The following F11 variants were observed in gnomAD, a reference collection of about 807,000 sequenced individuals.
F11 encodes the protein coagulation factor XI.
A neutral mutation model predicts 76.5 loss-of-function variants in F11; 78 were observed. The ratio of observed to expected loss-of-function variants is 1.02; its 90% confidence interval spans 0.85 to 1.23. The LOEUF (loss-of-function observed/expected upper bound fraction) is 1.23. Ranked by LOEUF, F11 falls within the 50% of genes most tolerant of loss-of-function variation. The pLI is 0.00. For missense variants in F11, 742 were observed against 771.4 expected (o/e 0.96, Z 0.45); for synonymous variants, 278 against 276.3 (o/e 1.01, Z -0.06).
chr4:186,287,563 G>GA, intron 13 of F11, 121 bp from the exon 14 acceptor site: 1 of 333,934 alleles, frequency 3.0e-6, no homozygotes, highest in Non-Finnish European at 4.9e-6. Context: ...CAGCCTGGGC[G>GA]ACAGAAAGAG....
Position 186,289,570 on chromosome 4 carries a change from C to T in F11, c.*956C>T, listed in dbSNP as rs143818826. On this transcript the variant is annotated 3_prime_UTR_variant, in exon 15 of 15. Coordinates refer to ENST00000403665, the MANE Select transcript of F11 (RefSeq NM_000128.4). Reference sequence around the variant, plus strand: ...TTCTAAGCACTGGGATTTTCTGTTTCGTGCAAATATTTATCTCATTATTGT... The same window carrying T: ...TTCTAAGCACTGGGATTTTCTGTTTTGTGCAAATATTTATCTCATTATTGT... Among the ~76,000 whole-genome samples, 58 of 152,216 alleles carry T rather than the reference C, an allele frequency of 3.8e-4. 1 individual carries two copies. Among genetic ancestry groups the T allele is most frequent in the Middle Eastern group, 3.4e-3 (1 of 294 alleles).
chr4:186,274,060 T>A, intron 4 of F11, 56 bp from the exon 5 acceptor site: 1 of 1,603,782 alleles, frequency 6.2e-7, no homozygotes, highest in Non-Finnish European at 8.5e-7. Context: ...GACAGTTGCT[T>A]AGGTCATTGC....
At chr4:186,281,913 C>G (rs776295393) in intron 10 of F11, 10 of 1,262,826 alleles carry the variant, frequency 7.9e-6, no homozygotes, top group Non-Finnish European at 1.0e-5. Flanking sequence ...GGTATCCTAA[C>G]TAACAGACTA....
intron 3 of F11, among the ~76,000 whole-genome samples, chr4:186,272,250 AT>A (rs1740032884): frequency 6.6e-6 from 1 of 152,208 alleles, no homozygotes. Context: ...TACAATACCT[AT>A]ATTTGTATAC....
At position 186,280,330 on chromosome 4, in the gene F11, G is replaced by T. The variant is rs764711007; in HGVS notation, c.973G>T (p.Val325Phe). The T allele has an allele frequency of 1.1e-5, 17 of 1,614,010 alleles. No homozygotes were observed. Among genetic ancestry groups the T allele is most frequent in the Non-Finnish European group, 1.4e-5 (16 of 1,180,048 alleles). Residue 325 changes from valine (V) to phenylalanine (F), a missense_variant, in exon 9 of 15, where the codon GTC (valine) becomes TTC (phenylalanine). Transcript: ENST00000403665. ...CTGCCAGAAACTGTGCACCAATGCC[G>T]TCCGCTGCCAGTTTTTTACCTATAC... ...EACQKLCTNA[V>F]RCQFFTYTPA...
chr4:186,275,779 T>G lies in F11; in HGVS notation c.486-8T>G, dbSNP rs2126737901. ...AATAAGACACTTTTCCTTTTTCTTT[T>G]TATTCAGTAACATTTGTCTACTGAA... is the stretch of plus-strand genomic sequence containing the variant. On this transcript the variant is annotated splice_polypyrimidine_tract_variant and splice_region_variant and intron_variant, in intron 5 of 14. Coordinates refer to ENST00000403665, the MANE Select transcript of F11 (RefSeq NM_000128.4). The G allele has an allele frequency of 1.2e-6, 2 of 1,600,294 alleles. No individual in the cohort carries two copies. The highest frequency in any genetic ancestry group is 1.7e-6 in the Non-Finnish European group (2 of 1,168,674).
chr4:186,282,267 A>G, intron 10 of F11: 1 of 985,464 alleles, frequency 1.0e-6, no homozygotes, highest in Non-Finnish European at 1.2e-6. Flanking sequence ...GAAGTTACAG[A>G]ATATGCCAGG....
Position 186,288,506 on chromosome 4 carries a change from A to G in F11, c.1770A>G (p.Val590=). 6.2e-7 allele frequency: 1 copy of G among 1,614,178 alleles called. No individual in the cohort carries two copies. The part of the protein sequence containing the change: ...SCKHNEVWHL[V]GITSWGEGCA... ...AACACAATGAGGTCTGGCATCTGGT[A>G]GGCATCACGAGCTGGGGCGAAGGCT... The change falls in exon 15 of 15, where the codon GTA becomes GTG. Residue 590 remains valine, a synonymous_variant. Transcript: ENST00000403665.
In F11 at chr4:186,280,502, A is replaced by G; in HGVS notation, c.1057A>G (p.Asn353Asp). ...CAAGTGTTACTTAAAGCTTTCTTCAAACGGATCTCCAACTAAAATACTTCA... is the reference window on the plus strand; with the variant it reads ...CAAGTGTTACTTAAAGCTTTCTTCAGACGGATCTCCAACTAAAATACTTCA... ...KGKCYLKLSS[N>D]GSPTKILHGR... The change falls in exon 10 of 15, where the codon AAC (asparagine) becomes GAC (aspartate). Residue 353 changes from asparagine to aspartate, a missense_variant. By Grantham distance (23) the Asn-to-Asp change is conservative (BLOSUM62 1). Coordinates refer to ENST00000403665, the MANE Select transcript of F11 (RefSeq NM_000128.4). 1 of 1,614,222 alleles carries G rather than the reference A, an allele frequency of 6.2e-7. No individual in the cohort carries two copies. Among genetic ancestry groups the G allele is most frequent in the African/African-American group, 1.3e-5 (1 of 75,058 alleles).
At chr4:186,280,194 C>T (rs1162459267) in intron 8 of F11, 29 bp from the exon 9 acceptor site, 2 of 1,614,128 alleles carry the variant, frequency 1.2e-6, no homozygotes, top group African/African-American at 1.3e-5. Flanking sequence ...GAGGGAGGGT[C>T]TCACTCTGAC....
downstream of F11, among the ~76,000 whole-genome samples, chr4:186,289,876 T>A (rs1379212960): frequency 1.3e-5 from 2 of 152,120 alleles, no homozygotes; most frequent in Admixed American, 1.3e-4. Context: ...AGAGACGGGG[T>A]TTCACTATGT....
Position 186,289,025 on chromosome 4 carries a change from C to T in F11, c.*411C>T, listed in dbSNP as rs772657555. 1.0e-3 allele frequency: 212 copies of T among 212,882 alleles called. No homozygotes were observed. The highest frequency in any genetic ancestry group is 4.0e-3 in the South Asian group (50 of 12,646). 13.2% of individuals were successfully genotyped at this position (212,882 alleles called of 1,614,324 possible). A position where few individuals can be genotyped will look rare whatever the true frequency, so the allele number is the denominator to read the frequency against. On this transcript the variant is annotated 3_prime_UTR_variant, in exon 15 of 15. Coordinates refer to ENST00000403665, the MANE Select transcript of F11 (RefSeq NM_000128.4). Reference sequence around the variant, plus strand: ...AAACTGGAAGAAAGGAGAACAAAGACAGTCTTCACCATTTTGCAGGAATCT... The same window carrying T: ...AAACTGGAAGAAAGGAGAACAAAGATAGTCTTCACCATTTTGCAGGAATCT...
rs1209499791 is a variant in F11 at position 186,270,862 on chromosome 4, A to T, written c.56-747A>T. ...GTGGAAACAACCATGCCCAGCTAGTATTTTTTTTTTTTTTTGTATTTTTTA... is the reference window on the plus strand; with the variant it reads ...GTGGAAACAACCATGCCCAGCTAGTTTTTTTTTTTTTTTTTGTATTTTTTA... On this transcript the variant is annotated intron_variant, in intron 2 of 14. Coordinates refer to ENST00000403665, the MANE Select transcript of F11 (RefSeq NM_000128.4). 1.3e-4 allele frequency among the ~76,000 whole-genome samples: 18 copies of T among 138,306 alleles called. No homozygotes were observed. In the East Asian group the frequency reaches 3.4e-3, roughly 26 times the overall value. 90.7% of individuals were successfully genotyped at this position (138,306 alleles called of 152,430 possible).
chr4:186,281,256 G>C (rs1740780642), intron 10 of F11, among the ~76,000 whole-genome samples: 1 of 152,170 alleles, frequency 6.6e-6, no homozygotes, highest in African/African-American at 2.4e-5. Context: ...TTATCGATCA[G>C]CACTTTGGTT....
intron 13 of F11, 144 bp from the exon 14 acceptor site, chr4:186,287,540 C>T: frequency 4.1e-6 from 1 of 246,430 alleles, no homozygotes. Flanking sequence ...GCTGAGATTG[C>T]ACCACTGCAC....
At position 186,280,338 on chromosome 4, in the gene F11, C is replaced by A. The variant is rs1183995627; in HGVS notation, c.981C>A (p.Cys327Ter). The stretch of plus-strand genomic sequence containing the variant: ...AACTGTGCACCAATGCCGTCCGCTG[C>A]CAGTTTTTTACCTATACCCCAGCCC... ...CQKLCTNAVR[C>*]QFFTYTPAQA... is the part of the protein sequence containing the mutation. Residue 327 changes from cysteine (C) to a stop codon, truncating the protein, a stop_gained, in exon 9 of 15, where the codon TGC (cysteine) becomes TGA (stop). Coordinates refer to ENST00000403665, the MANE Select transcript of F11 (RefSeq NM_000128.4). LOFTEE classifies it high-confidence loss of function. 4.3e-6 allele frequency: 7 copies of A among 1,614,204 alleles called. No individual in the cohort carries two copies. Among genetic ancestry groups the A allele is most frequent in the South Asian group, 1.1e-5 (1 of 91,092 alleles).
At chr4:186,267,561 G>C (rs1041277712) in intron 2 of F11, among the ~76,000 whole-genome samples, 1 of 152,184 alleles carries the variant, frequency 6.6e-6, no homozygotes, top group African/African-American at 2.4e-5. Context: ...TAGGAATTTT[G>C]TACTGAAAAA....
chr4:186,283,161 G>C, intron 10 of F11: 1 of 532,050 alleles, frequency 1.9e-6, no homozygotes, highest in Non-Finnish European at 2.4e-6. Context: ...CATTTTGAAA[G>C]CTACACAGGC....
chr4:186,273,282 T>C, intron 4 of F11, 105 bp downstream of exon 4: 1 of 879,864 alleles, frequency 1.1e-6, no homozygotes, highest in South Asian at 1.4e-5. Flanking sequence ...TATGTGGAAA[T>C]AAACCCCCTT....
Sources: gnomAD v4.1 joint callset for allele counts (sites outside exome capture counted in the v4.1 genomes callset) on GRCh38, gnomAD v4.1.1 for gene constraint, MANE v1.5 for transcripts, NCBI Gene and HGNC (gene_info 2026-07-23, HGNC 2026-07-21) for gene names.